CCDC149: variants seen among roughly 807,000 people sequenced by gnomAD.
The protein encoded by CCDC149 is coiled-coil domain-containing protein 149.
In CCDC149, 45 loss-of-function variants were observed where a neutral mutation model predicts 59.9. The observed-to-expected ratio is 0.75, with a 90% CI of 0.59 to 0.96. The LOEUF (loss-of-function observed/expected upper bound fraction) is 0.96, where lower values mean the gene tolerates loss of function less well. Among genes scored for constraint, CCDC149 ranks in the 40% least tolerant of loss-of-function variants. CCDC149 has a pLI of 0.00. For synonymous variants in CCDC149, 245 were observed against 260.6 expected, an observed-to-expected ratio of 0.94 and a Z score of 0.58; for missense variants, 584 against 664.7, an observed-to-expected ratio of 0.88 and a Z score of 1.33.
At chr4:24,962,717 A>G (rs1178675804) in intron 1 of CCDC149, among the ~76,000 whole-genome samples, 1 of 150,460 alleles carries the variant, frequency 6.6e-6, no homozygotes, top group East Asian at 2.0e-4. Context: ...GGAACATCAC[A>G]CACCGGGGCC....
At chr4:24,943,551 C>A (rs967387414) in intron 1 of CCDC149, among the ~76,000 whole-genome samples, 1 of 152,080 alleles carries the variant, frequency 6.6e-6, no homozygotes, top group African/African-American at 2.4e-5. Flanking sequence ...GCAACAAAAG[C>A]CAAAATTGAC....
At chr4:24,856,790 C>T (rs1007579777) in intron 3 of CCDC149, among the ~76,000 whole-genome samples, 6 of 152,224 alleles carry the variant, frequency 3.9e-5, no homozygotes, top group African/African-American at 1.2e-4. Context: ...CTTTCCTCCA[C>T]GGAACTCCAG....
At chr4:24,884,961 G>A (rs991732811) in intron 1 of CCDC149, among the ~76,000 whole-genome samples, 4 of 152,128 alleles carry the variant, frequency 2.6e-5, no homozygotes, top group African/African-American at 7.2e-5. Context: ...GGGGATAGAC[G>A]GAGCTGTGAC....
intron 1 of CCDC149, among the ~76,000 whole-genome samples, chr4:24,881,333 A>G (rs1001731808): frequency 6.6e-6 from 1 of 152,188 alleles, no homozygotes; most frequent in African/African-American, 2.4e-5. Flanking sequence ...TTTGCCCGAT[A>G]AAATGGGATT....
At chr4:24,876,856 A>C (rs763856015) in intron 1 of CCDC149, among the ~76,000 whole-genome samples, 159 bp from the exon 2 acceptor site, 1 of 152,212 alleles carries the variant, frequency 6.6e-6, no homozygotes, top group Non-Finnish European at 1.5e-5. Context: ...CATGTACTTC[A>C]GGCTTCTACA....
intron 1 of CCDC149, among the ~76,000 whole-genome samples, chr4:24,954,200 G>A (rs1723397166): frequency 6.6e-6 from 1 of 152,208 alleles, no homozygotes; most frequent in Non-Finnish European, 1.5e-5. Context: ...GATAAACTTA[G>A]AAAAGACCCA....
intron 4 of CCDC149, among the ~76,000 whole-genome samples, chr4:24,841,645 G>C (rs554823574): frequency 1.3e-5 from 2 of 152,342 alleles, no homozygotes; most frequent in Admixed American, 6.5e-5. Flanking sequence ...CAGGGAGAAG[G>C]CTCCTGCCTT....
At chr4:24,857,523 A>G (rs887891095) in intron 3 of CCDC149, among the ~76,000 whole-genome samples, 1 of 152,182 alleles carries the variant, frequency 6.6e-6, no homozygotes, top group Non-Finnish European at 1.5e-5. Flanking sequence ...TTTAAAAAGC[A>G]CTGAGCTCAA....
chr4:24,870,704 C>T (rs1339861311), intron 3 of CCDC149, among the ~76,000 whole-genome samples: 1 of 152,120 alleles, frequency 6.6e-6, no homozygotes, highest in East Asian at 1.9e-4. Context: ...TCCCCTAAAA[C>T]TATAAAACTC....
At position 24,879,080 on chromosome 4, in the gene CCDC149, T is replaced by C. The variant is rs377742165; in HGVS notation, c.64-2383A>G. ...AATAATTTTACGCCATGTTATTTATTTTTATCAGCAGGACAAACCTTAGGC... is the reference window on the plus strand; with the variant it reads ...AATAATTTTACGCCATGTTATTTATCTTTATCAGCAGGACAAACCTTAGGC... On this transcript the variant is annotated intron_variant, in intron 1 of 12. Coordinates refer to ENST00000635206, the MANE Select transcript of CCDC149 (RefSeq NM_001330643.2). Among the ~76,000 whole-genome samples the C allele has an allele frequency of 2.0e-5, 3 of 152,322 alleles. No homozygotes were observed. The East Asian group carries it at 5.8e-4, about 29-fold the overall frequency.
chr4:24,832,414 T>C (rs1716219506), intron 8 of CCDC149, among the ~76,000 whole-genome samples: 1 of 152,296 alleles, frequency 6.6e-6, no homozygotes, highest in East Asian at 1.9e-4. Flanking sequence ...AAACTAGCTG[T>C]TCTTGGATAT....
At chr4:24,825,461 G>C (rs1265086590) in intron 9 of CCDC149, among the ~76,000 whole-genome samples, 1 of 152,068 alleles carries the variant, frequency 6.6e-6, no homozygotes, top group East Asian at 1.9e-4. Flanking sequence ...CGAGCAGAGG[G>C]GCCAGGCAAA....
intron 1 of CCDC149, among the ~76,000 whole-genome samples, chr4:24,905,760 T>A (rs1721469418): frequency 6.6e-6 from 1 of 152,162 alleles, no homozygotes; most frequent in African/African-American, 2.4e-5. Flanking sequence ...AATGGGACCC[T>A]CCCAAATTAA....
chr4:24,894,374 G>A (rs1720721713), intron 1 of CCDC149, among the ~76,000 whole-genome samples: 1 of 151,998 alleles, frequency 6.6e-6, no homozygotes, highest in Non-Finnish European at 1.5e-5. Context: ...ACTGAGAGAG[G>A]GTGAAGAGAG....
chr4:24,931,310 A>AAAAT (rs1553862434), intron 1 of CCDC149, among the ~76,000 whole-genome samples: 3 of 138,250 alleles, frequency 2.2e-5, no homozygotes, highest in African/African-American at 8.5e-5. Flanking sequence ...TTTATTTTAA[A>AAAAT]ATATATATAT....
At position 24,806,369 on chromosome 4, in the gene CCDC149, T is replaced by C. The variant is rs2324580; in HGVS notation, c.*2020A>G. On this transcript the variant is annotated 3_prime_UTR_variant, in exon 13 of 13. Transcript: ENST00000635206. ...GCACCCTAGATTCTCTGGGACTCAC[T>C]GCAGTTTTCCTGACTCTGATGGAAT... The C allele has an allele frequency of 0.9, 136,584 of 152,276 alleles. 61,322 individuals are homozygous for C. Among genetic ancestry groups the C allele is most frequent in the East Asian group, 0.93 (4,774 of 5,154 alleles). The allele number at this position is 152,276 out of a possible 1,614,324, so 9.4% of individuals were successfully genotyped here. A position where few individuals can be genotyped will look rare whatever the true frequency, so the allele number is the denominator to read the frequency against.
At chr4:24,939,208 C>T (rs935766152) in intron 1 of CCDC149, among the ~76,000 whole-genome samples, 40 of 152,278 alleles carry the variant, frequency 2.6e-4, no homozygotes, top group Middle Eastern at 6.8e-3. Flanking sequence ...TCCAGAGGAA[C>T]GATCAGGCAG....
chr4:24,931,982 A>G (rs990701451), intron 1 of CCDC149, among the ~76,000 whole-genome samples: 12 of 151,752 alleles, frequency 7.9e-5, no homozygotes, highest in African/African-American at 2.7e-4. Flanking sequence ...TTTGTGTCCA[A>G]CTTACAGGTG....
intron 1 of CCDC149, among the ~76,000 whole-genome samples, chr4:24,891,756 T>C (rs1720538917): frequency 6.6e-6 from 1 of 152,168 alleles, no homozygotes; most frequent in African/African-American, 2.4e-5. Context: ...CCCAGCACTT[T>C]AGGAGGCCAA....
Sources: gnomAD v4.1 joint callset for allele counts (sites outside exome capture counted in the v4.1 genomes callset) on GRCh38, gnomAD v4.1.1 for gene constraint, MANE v1.5 for transcripts, NCBI Gene and HGNC (gene_info 2026-07-23, HGNC 2026-07-21) for gene names.